Variants in SCAPER observed in about 807,000 individuals in gnomAD.
SCAPER encodes S-phase cyclin A associated protein in the ER.
SCAPER carries 98 observed loss-of-function variants against 182.2 expected under a neutral mutation model. The observed-to-expected ratio is 0.54, with a 90% CI of 0.46 to 0.64. The LOEUF is 0.64. SCAPER is among the 30% of genes least tolerant of loss of function. The pLI, the probability that SCAPER is intolerant of heterozygous loss-of-function variation, is 0.00. For synonymous variants in SCAPER, 605 were observed against 564.6 expected (o/e 1.07, Z -1.01); for missense variants, 1,432 against 1,690.0 (o/e 0.85, Z 2.68).
chr15:76,471,792 G>A (rs537040228), intron 24 of SCAPER, among the ~76,000 whole-genome samples: 90 of 152,298 alleles, frequency 5.9e-4, no homozygotes, highest in Admixed American at 1.2e-3. Flanking sequence ...CTCCATGTAA[G>A]ATAAGACCCC....
chr15:76,401,123 A>G (rs1406890551), intron 27 of SCAPER, among the ~76,000 whole-genome samples: 2 of 152,088 alleles, frequency 1.3e-5, no homozygotes, highest in Admixed American at 1.3e-4. Context: ...ACATATATGT[A>G]TATGTATATG....
At chr15:76,903,737 A>G (rs1289956802) in intron 1 of SCAPER, among the ~76,000 whole-genome samples, 1 of 152,222 alleles carries the variant, frequency 6.6e-6, no homozygotes, top group Non-Finnish European at 1.5e-5. Flanking sequence ...AATGCAGCTC[A>G]AGGGAGTGTG....
chr15:76,459,930 C>T (rs1056516859), intron 25 of SCAPER, among the ~76,000 whole-genome samples: 1 of 152,128 alleles, frequency 6.6e-6, no homozygotes, highest in Non-Finnish European at 1.5e-5. Context: ...AAGAGGGTGT[C>T]CATTCCCCAG....
intron 23 of SCAPER, among the ~76,000 whole-genome samples, chr15:76,562,433 T>G (rs1222980272): frequency 6.6e-6 from 1 of 152,124 alleles, no homozygotes; most frequent in Non-Finnish European, 1.5e-5. Flanking sequence ...ACACAGGATA[T>G]TCTAACAATC....
chr15:76,381,608 T>A lies in SCAPER; in HGVS notation c.3475A>T (p.Ser1159Cys), dbSNP rs1358259665. 6.3e-6 allele frequency: 10 copies of A among 1,583,432 alleles called. No homozygotes were observed. The highest frequency in any genetic ancestry group is 8.6e-6 in the Non-Finnish European group (10 of 1,163,514). Residue 1159 changes from serine (S) to cysteine (C), a missense_variant, in exon 28 of 32, where the codon AGC (serine) becomes TGC (cysteine). Ser to Cys is a moderately radical substitution (Grantham distance 112). Transcript: ENST00000563290. The part of the protein sequence containing the change: ...LCFAVTGRSY[S>C]IFDNNRQDPT... Reference sequence around the variant, plus strand: ...TCCTGGCGATTATTGTCAAATATGCTGTATGACCTGACAAAGAAACATTCA... The same window carrying A: ...TCCTGGCGATTATTGTCAAATATGCAGTATGACCTGACAAAGAAACATTCA...
chr15:76,554,625 CA>C (rs1365219186), intron 23 of SCAPER, among the ~76,000 whole-genome samples: 1 of 151,302 alleles, frequency 6.6e-6, no homozygotes, highest in Non-Finnish European at 1.5e-5. Context: ...GGCTATTTTT[CA>C]TGTCTCCAAG....
intron 22 of SCAPER, among the ~76,000 whole-genome samples, chr15:76,601,013 C>A (rs2049893380): frequency 8.3e-6 from 1 of 121,148 alleles, no homozygotes; most frequent in African/African-American, 2.5e-5. Flanking sequence ...ATTTCTAATA[C>A]TAGCAACAAA....
chr15:76,575,694 A>C (rs186362037), intron 22 of SCAPER, among the ~76,000 whole-genome samples: 1 of 152,308 alleles, frequency 6.6e-6, no homozygotes, highest in East Asian at 1.9e-4. Flanking sequence ...CTAGAACATT[A>C]CTATTTATCC....
intron 23 of SCAPER, among the ~76,000 whole-genome samples, chr15:76,553,048 C>A (rs2045910588): frequency 6.6e-6 from 1 of 152,098 alleles, no homozygotes; most frequent in Non-Finnish European, 1.5e-5. Context: ...CCCATTGAAA[C>A]TTTCCCTCTG....
chr15:76,761,492 A>G (rs542503408), intron 14 of SCAPER, among the ~76,000 whole-genome samples: 1 of 152,202 alleles, frequency 6.6e-6, no homozygotes, highest in Non-Finnish European at 1.5e-5. Context: ...TTAGTGAGTT[A>G]TATTTGTTTT....
At chr15:76,793,296 A>T (rs763256497) in intron 8 of SCAPER, 41 of 801,646 alleles carry the variant, frequency 5.1e-5, no homozygotes, top group Non-Finnish European at 1.5e-5. Context: ...AACTCCTAAA[A>T]TCTTTGGAAT....
chr15:76,564,646 C>A (rs547971866), intron 23 of SCAPER, among the ~76,000 whole-genome samples: 1 of 151,914 alleles, frequency 6.6e-6, no homozygotes, highest in Non-Finnish European at 1.5e-5. Flanking sequence ...ATATTCTTCA[C>A]AGAACTAAAA....
chr15:76,588,584 C>T (rs2048862660), intron 22 of SCAPER, among the ~76,000 whole-genome samples: 2 of 152,148 alleles, frequency 1.3e-5, no homozygotes, highest in South Asian at 4.1e-4. Context: ...GCATTTAGGC[C>T]ATTTACATTC....
rs771636723 is a variant in SCAPER at position 76,354,032 on chromosome 15, T to G, written c.3964A>C (p.Ile1322Leu). ...RLIKVLFPSL[I>L]AACYNNHQNK... Reference sequence around the variant, plus strand: ...TGATGGTTGTTGTAACAAGCAGCGATAAGTGAAGGGAACAGTACTTTGATC... The same window carrying G: ...TGATGGTTGTTGTAACAAGCAGCGAGAAGTGAAGGGAACAGTACTTTGATC... Residue 1322 changes from isoleucine (I) to leucine (L), a missense_variant, in exon 30 of 32, where the codon ATC (isoleucine) becomes CTC (leucine). By Grantham distance (5) the Ile-to-Leu change is conservative. Transcript: ENST00000563290. This position sits in a 1 kb window ranked among gnomAD's most constrained non-coding sequence, Gnocchi z 4.4. 2 of 1,607,754 alleles carry G rather than the reference T, an allele frequency of 1.2e-6. No homozygotes were observed.
intron 26 of SCAPER, among the ~76,000 whole-genome samples, chr15:76,432,989 C>G (rs906494921): frequency 4.6e-5 from 7 of 152,200 alleles, no homozygotes; most frequent in African/African-American, 1.4e-4. Flanking sequence ...CTATACTATA[C>G]TATAGGTATA....
At chr15:76,533,252 C>A (rs1259190773) in intron 23 of SCAPER, among the ~76,000 whole-genome samples, 1 of 152,094 alleles carries the variant, frequency 6.6e-6, no homozygotes, top group Non-Finnish European at 1.5e-5. Flanking sequence ...TCAAATACGT[C>A]AATATTTACA....
chr15:76,432,004 T>A (rs889928936), intron 26 of SCAPER, among the ~76,000 whole-genome samples: 5 of 152,196 alleles, frequency 3.3e-5, no homozygotes, highest in Admixed American at 6.5e-5. Flanking sequence ...ATTATAATAA[T>A]GTATGTGAAA....
intron 27 of SCAPER, among the ~76,000 whole-genome samples, chr15:76,390,261 G>A (rs2043596810): frequency 6.6e-6 from 1 of 152,166 alleles, no homozygotes; most frequent in Non-Finnish European, 1.5e-5. Flanking sequence ...GGCTAAAGAG[G>A]AACTCTTGAG....
chr15:76,649,935 G>T (rs2054881083), intron 21 of SCAPER, among the ~76,000 whole-genome samples: 1 of 152,056 alleles, frequency 6.6e-6, no homozygotes, highest in Non-Finnish European at 1.5e-5. Flanking sequence ...AAGAAGCAAA[G>T]AGCATAACAA....
Sources: gnomAD v4.1 joint callset for allele counts (sites outside exome capture counted in the v4.1 genomes callset) on GRCh38, gnomAD v4.1.1 for gene constraint, Gnocchi (gnomAD v3.1) non-coding constraint, MANE v1.5 for transcripts, NCBI Gene and HGNC (gene_info 2026-07-23, HGNC 2026-07-21) for gene names.